Variants in MACROD2 observed in about 807,000 individuals in gnomAD.
MACROD2 encodes ADP-ribose glycohydrolase MACROD2.
MACROD2 carries 36 observed loss-of-function variants against 70.4 expected under a neutral mutation model. The observed-to-expected ratio is 0.51, with a 90% CI of 0.39 to 0.68. The LOEUF (loss-of-function observed/expected upper bound fraction) is 0.68, where lower values mean the gene tolerates loss of function less well. Among genes scored for constraint, MACROD2 ranks in the 30% least tolerant of loss-of-function variants. The pLI is 0.00. For synonymous variants in MACROD2, 172 were observed against 178.8 expected (o/e 0.96, Z 0.30); for missense variants, 496 against 538.4 (o/e 0.92, Z 0.78).
intron 4 of MACROD2, among the ~76,000 whole-genome samples, chr20:14,588,740 G>GT (rs1276708947): frequency 6.6e-6 from 1 of 152,124 alleles, no homozygotes; most frequent in Admixed American, 6.5e-5. Flanking sequence ...GAGATTACAG[G>GT]TGTGAGCCAC....
chr20:15,383,032 A>C (rs2045664940), intron 6 of MACROD2, among the ~76,000 whole-genome samples: 1 of 152,228 alleles, frequency 6.6e-6, no homozygotes, highest in Non-Finnish European at 1.5e-5. Flanking sequence ...GACAAAGCTA[A>C]AACTATATGA....
intron 8 of MACROD2, among the ~76,000 whole-genome samples, chr20:15,842,460 T>C (rs1477140499): frequency 1.1e-5 from 1 of 87,428 alleles, no homozygotes; most frequent in African/African-American, 4.6e-5. Flanking sequence ...TTTCATCCTT[T>C]TTTTCATCTT....
intron 8 of MACROD2, among the ~76,000 whole-genome samples, chr20:15,593,095 C>G (rs1445160411): frequency 2.0e-5 from 3 of 152,154 alleles, no homozygotes; most frequent in Non-Finnish European, 4.4e-5. Flanking sequence ...GTGGCGGTCC[C>G]TGGTATCCTA....
intron 8 of MACROD2, among the ~76,000 whole-genome samples, chr20:15,502,246 G>GA (rs1191451493): frequency 6.6e-6 from 1 of 152,206 alleles, no homozygotes; most frequent in East Asian, 1.9e-4. Flanking sequence ...TGTACAATGG[G>GA]AAGGAGGAAG....
Position 14,974,902 on chromosome 20 carries a change from T to C in MACROD2, c.419-255038T>C, listed in dbSNP as rs987658717. On this transcript the variant is annotated intron_variant, in intron 5 of 17. Transcript: ENST00000684519. The stretch of plus-strand genomic sequence containing the variant: ...CCTGGGTTGGGTCTAGCAGAGCTGT[T>C]TGCACAAAGGCACACACACAATGAC... 3.3e-5 allele frequency among the ~76,000 whole-genome samples: 5 copies of C among 152,100 alleles called. No individual in the cohort carries two copies. The East Asian group carries it at 9.7e-4, about 29-fold the overall frequency.
intron 3 of MACROD2, among the ~76,000 whole-genome samples, chr20:14,205,294 T>G (rs1330469751): frequency 6.6e-6 from 1 of 152,162 alleles, no homozygotes; most frequent in Non-Finnish European, 1.5e-5. Flanking sequence ...CTCAGCTAGG[T>G]TTGGTTTCTT....
At chr20:15,629,068 A>AATACTCTTGTATTC (rs1167878151) in intron 8 of MACROD2, among the ~76,000 whole-genome samples, 2 of 152,176 alleles carry the variant, frequency 1.3e-5, no homozygotes, top group African/African-American at 2.4e-5. Context: ...GGCTGGTATG[A>AATACTCTTGTATTC]ATACTCTTGT....
In MACROD2 at chr20:14,981,458, G is replaced by A. The variant is rs868783992; in HGVS notation, c.419-248482G>A. Among the ~76,000 whole-genome samples, 1,352 of 147,050 alleles carry A rather than the reference G, an allele frequency of 9.2e-3. 18 individuals are homozygous for A. The highest frequency in any genetic ancestry group is 0.039 in the Middle Eastern group (11 of 280). ...TATATATATATATATATATATGTGT[G>A]TGTGTGTCTGTGTGTGTGTCGGTGT... On this transcript the variant is annotated intron_variant, in intron 5 of 17. Coordinates refer to ENST00000684519, the MANE Select transcript of MACROD2 (RefSeq NM_001351661.2).
intron 6 of MACROD2, among the ~76,000 whole-genome samples, chr20:15,424,242 G>A (rs2046268433): frequency 6.6e-6 from 1 of 151,934 alleles, no homozygotes; most frequent in Admixed American, 6.6e-5. Flanking sequence ...AAGGAGGGAT[G>A]AAGACTTGGG....
intron 8 of MACROD2, among the ~76,000 whole-genome samples, chr20:15,567,676 A>G (rs1340143437): frequency 1.3e-5 from 2 of 152,204 alleles, no homozygotes; most frequent in Non-Finnish European, 1.5e-5. Context: ...TTGGAGGATT[A>G]TATCTTAGAG....
At chr20:14,041,430 A>G (rs1471240459) in intron 2 of MACROD2, among the ~76,000 whole-genome samples, 1 of 152,198 alleles carries the variant, frequency 6.6e-6, no homozygotes, top group Non-Finnish European at 1.5e-5. Context: ...CATAATTTCT[A>G]TGATATGATA....
intron 5 of MACROD2, among the ~76,000 whole-genome samples, chr20:14,876,351 T>G (rs1334326089): frequency 6.6e-6 from 1 of 152,192 alleles, no homozygotes; most frequent in African/African-American, 2.4e-5. Context: ...AAGTTACTTA[T>G]AGATTGTGGA....
At chr20:15,154,758 C>T (rs1225726069) in intron 5 of MACROD2, among the ~76,000 whole-genome samples, 4 of 152,182 alleles carry the variant, frequency 2.6e-5, no homozygotes, top group African/African-American at 9.7e-5. Flanking sequence ...CCAAAGGCTC[C>T]ACCTCCTAAT....
intron 15 of MACROD2, among the ~76,000 whole-genome samples, chr20:16,004,089 G>A (rs2066753166): frequency 6.6e-6 from 1 of 152,168 alleles, no homozygotes; most frequent in Admixed American, 6.5e-5. Context: ...AACTGCCACT[G>A]TGGGAGAAGA....
intron 4 of MACROD2, among the ~76,000 whole-genome samples, chr20:14,502,189 GTTTT>G (rs1312072761): frequency 1.3e-5 from 2 of 152,238 alleles, no homozygotes; most frequent in East Asian, 3.9e-4. Flanking sequence ...GCACAGAATT[GTTTT>G]TTTAACTGTA....
chr20:15,129,066 TTAAAA>T (rs1331032838), intron 5 of MACROD2, among the ~76,000 whole-genome samples: 3 of 152,064 alleles, frequency 2.0e-5, no homozygotes, highest in Non-Finnish European at 4.4e-5. Flanking sequence ...GTTTTAACAT[TTAAAA>T]TAAGAGACAA....
At chr20:15,990,061 A>G (rs2066537494) in intron 15 of MACROD2, among the ~76,000 whole-genome samples, 1 of 152,276 alleles carries the variant, frequency 6.6e-6, no homozygotes, top group East Asian at 1.9e-4. Context: ...AAATTACACA[A>G]TAGCACAGTG....
chr20:15,249,343 C>A (rs2077133870), intron 6 of MACROD2, among the ~76,000 whole-genome samples: 1 of 152,200 alleles, frequency 6.6e-6, no homozygotes, highest in African/African-American at 2.4e-5. Context: ...TTTTCTGTCA[C>A]TTCTCAGCTG....
chr20:15,766,069 T>C (rs1408011288), intron 8 of MACROD2, among the ~76,000 whole-genome samples: 3 of 152,216 alleles, frequency 2.0e-5, no homozygotes, highest in East Asian at 3.9e-4. Flanking sequence ...ATTTCTCTTA[T>C]GTTTTTTATT....
Sources: allele counts gnomAD v4.1 joint callset (sites outside exome capture counted in the v4.1 genomes callset), GRCh38; gene constraint gnomAD v4.1.1; transcripts MANE v1.5; gene names NCBI Gene and HGNC (gene_info 2026-07-23, HGNC 2026-07-21).